MAP3K5: variants seen among roughly 807,000 people sequenced by gnomAD.
MAP3K5 encodes the protein mitogen-activated protein kinase kinase kinase 5, also known as ASK-1.
In MAP3K5, 56 loss-of-function variants were observed where a neutral mutation model predicts 158.7. That is an observed-to-expected ratio of 0.35 (90% CI 0.28 to 0.44). The LOEUF (loss-of-function observed/expected upper bound fraction) is 0.44, where lower values mean the gene tolerates loss of function less well. MAP3K5 is among the 20% of genes least tolerant of loss of function. The pLI, the probability that MAP3K5 is intolerant of heterozygous loss-of-function variation, is 1.00. For synonymous variants in MAP3K5, 579 were observed against 601.7 expected (o/e 0.96, Z 0.55); for missense variants, 1,294 against 1,674.8 (o/e 0.77, Z 3.97).
chr6:136,702,090 C>A (rs1780877170), intron 3 of MAP3K5, among the ~76,000 whole-genome samples: 1 of 152,122 alleles, frequency 6.6e-6, no homozygotes, highest in African/African-American at 2.4e-5. Context: ...AGAGTCTTCG[C>A]TGAAAATACC....
At chr6:136,593,835 C>T in intron 21 of MAP3K5, 1 of 348,106 alleles carries the variant, frequency 2.9e-6, no homozygotes, top group East Asian at 7.5e-5. Context: ...AAAGGAAATC[C>T]ACTGTTGCCT....
chr6:136,579,939 A>G, intron 25 of MAP3K5: 1 of 451,654 alleles, frequency 2.2e-6, no homozygotes, highest in Admixed American at 2.5e-5. Context: ...ACCTCCTTAA[A>G]TTGCTCAATA....
chr6:136,755,657 C>G (rs1386721658), intron 1 of MAP3K5, among the ~76,000 whole-genome samples: 1 of 150,020 alleles, frequency 6.7e-6, no homozygotes, highest in East Asian at 2.0e-4. Context: ...CTACCACACT[C>G]CAGCCTGGGT....
intron 2 of MAP3K5, among the ~76,000 whole-genome samples, chr6:136,716,369 G>GT (rs1345180274): frequency 6.6e-6 from 1 of 152,150 alleles, no homozygotes; most frequent in African/African-American, 2.4e-5. Flanking sequence ...GGCACGTGCA[G>GT]TCATGTTTCA....
intron 23 of MAP3K5, among the ~76,000 whole-genome samples, chr6:136,589,640 G>C (rs1775295714): frequency 6.6e-6 from 1 of 152,176 alleles, no homozygotes; most frequent in South Asian, 2.1e-4. Flanking sequence ...GACTAAGTGA[G>C]GTCGTAAGGG....
chr6:136,691,192 T>A (rs1392810165), intron 7 of MAP3K5, among the ~76,000 whole-genome samples: 1 of 152,230 alleles, frequency 6.6e-6, no homozygotes, highest in African/African-American at 2.4e-5. Context: ...TTCCTAGATC[T>A]GTGAGCTGTT....
At chr6:136,634,434 A>G (rs548527453) in intron 14 of MAP3K5, among the ~76,000 whole-genome samples, 7 of 152,282 alleles carry the variant, frequency 4.6e-5, no homozygotes, top group Middle Eastern at 6.8e-3. Context: ...AACTAAGCCA[A>G]GACTCTTGAA....
At chr6:136,585,169 G>C (rs1224115694) in intron 23 of MAP3K5, among the ~76,000 whole-genome samples, 1 of 149,260 alleles carries the variant, frequency 6.7e-6, no homozygotes, top group Non-Finnish European at 1.5e-5. Context: ...CTGGAGTGCA[G>C]TGGCACAATC....
At chr6:136,790,195 A>C (rs979553699) in intron 1 of MAP3K5, among the ~76,000 whole-genome samples, 3 of 152,202 alleles carry the variant, frequency 2.0e-5, no homozygotes, top group African/African-American at 7.2e-5. Flanking sequence ...CCTTTCCCAG[A>C]GACAGTATTT....
intron 1 of MAP3K5, among the ~76,000 whole-genome samples, chr6:136,771,596 T>C (rs1784201599): frequency 6.6e-6 from 1 of 152,200 alleles, no homozygotes; most frequent in Admixed American, 6.5e-5. Context: ...GGTATAAATA[T>C]GACTGCAAAG....
chr6:136,699,581 C>T (rs569101296), intron 3 of MAP3K5, among the ~76,000 whole-genome samples: 43 of 152,220 alleles, frequency 2.8e-4, no homozygotes, highest in African/African-American at 9.9e-4. Context: ...AGCCTGGGCT[C>T]ACTGACCTTC....
chr6:136,711,118 G>A (rs1053244553), intron 2 of MAP3K5, among the ~76,000 whole-genome samples: 1 of 151,738 alleles, frequency 6.6e-6, no homozygotes, highest in Non-Finnish European at 1.5e-5. Context: ...AGATAGATAG[G>A]AAACAAAGTA....
In MAP3K5 at chr6:136,683,805, C is replaced by A. The variant is rs189413467; in HGVS notation, c.1253+10335G>T. Reference sequence around the variant, plus strand: ...TTCTGGAAATGTCTATTCCTGGAAACTTCAGGAAGGAGGGCCTAGGATACA... The same window carrying A: ...TTCTGGAAATGTCTATTCCTGGAAAATTCAGGAAGGAGGGCCTAGGATACA... On this transcript the variant is annotated intron_variant, in intron 7 of 29. Coordinates refer to ENST00000359015, the MANE Select transcript of MAP3K5 (RefSeq NM_005923.4). Among the ~76,000 whole-genome samples, 98 of 152,186 alleles carry A rather than the reference C, an allele frequency of 6.4e-4. 2 individuals are homozygous for A. The highest frequency in any genetic ancestry group is 6.3e-3 in the Admixed American group (97 of 15,288).
chr6:136,585,099 CTTTTTGTTTTTTTT>C (rs146312747), intron 23 of MAP3K5, among the ~76,000 whole-genome samples: 16,019 of 148,844 alleles, frequency 0.11, 1,008 homozygotes, highest in East Asian at 0.19. Flanking sequence ...ATGATTTTTT[CTTTTTGTTTTTTTT>C]TTTTTGTTTT....
chr6:136,738,942 GCACACACA>G (rs59144448), intron 1 of MAP3K5, among the ~76,000 whole-genome samples: 38 of 149,794 alleles, frequency 2.5e-4, no homozygotes, highest in East Asian at 2.2e-3. Flanking sequence ...ACACACGCGT[GCACACACA>G]CACACACACA....
chr6:136,705,122 G>A lies in MAP3K5; in HGVS notation c.600C>T (p.Cys200=). ...DSLQSLKEII[C]QKNTMCTGNY... is the part of the protein sequence containing the mutation. ...ATAAAGTACTCACAGTATTCTTCTGGCAAATTATTTCCTGAAAAACAAGAA... is the reference window on the plus strand; with the variant it reads ...ATAAAGTACTCACAGTATTCTTCTGACAAATTATTTCCTGAAAAACAAGAA... The change falls in exon 3 of 30, where the codon TGC becomes TGT. Residue 200 remains cysteine (C), a synonymous_variant. Coordinates refer to ENST00000359015, the MANE Select transcript of MAP3K5 (RefSeq NM_005923.4). 8.2e-7 allele frequency: 1 copy of A among 1,214,720 alleles called. No homozygotes were observed. Among genetic ancestry groups the A allele is most frequent in the Non-Finnish European group, 1.2e-6 (1 of 866,008 alleles). 75.2% of individuals were successfully genotyped at this position (1,214,720 alleles called of 1,614,324 possible).
chr6:136,686,500 A>C (rs1383923585), intron 7 of MAP3K5, among the ~76,000 whole-genome samples: 1 of 152,150 alleles, frequency 6.6e-6, no homozygotes, highest in East Asian at 1.9e-4. Context: ...TTTGCAGATG[A>C]CATGATTGTA....
chr6:136,746,969 A>G (rs532611666), intron 1 of MAP3K5, among the ~76,000 whole-genome samples: 104 of 152,330 alleles, frequency 6.8e-4, no homozygotes, highest in African/African-American at 2.4e-3. Flanking sequence ...TTTGAGAGAC[A>G]GGGTCTTGCT....
rs113028977 is a variant in MAP3K5 at position 136,768,909 on chromosome 6, T to C, written c.448+22801A>G. Among the ~76,000 whole-genome samples, 833 of 145,774 alleles carry C rather than the reference T, an allele frequency of 5.7e-3. 7 individuals carry two copies. Among genetic ancestry groups the C allele is most frequent in the Non-Finnish European group, 7.9e-3 (529 of 66,780 alleles). On this transcript the variant is annotated intron_variant, in intron 1 of 29. Transcript: ENST00000359015. Reference sequence around the variant, plus strand: ...GCCTGGGTGACAGACACAGTGAAACTCCATGTCAAAAAAAAAAAAAGAAAG... The same window carrying C: ...GCCTGGGTGACAGACACAGTGAAACCCCATGTCAAAAAAAAAAAAAGAAAG...
Sources: gnomAD v4.1 joint callset for allele counts (sites outside exome capture counted in the v4.1 genomes callset) on GRCh38, gnomAD v4.1.1 for gene constraint, MANE v1.5 for transcripts, NCBI Gene and HGNC (gene_info 2026-07-23, HGNC 2026-07-21) for gene names.